The following LRMDA variants were observed in gnomAD, a reference collection of about 807,000 sequenced individuals.
LRMDA encodes the protein leucine-rich melanocyte differentiation-associated protein.
Under a neutral mutation model 29.8 loss-of-function variants are expected in LRMDA, and 18 were observed. The observed-to-expected ratio is 0.60, with a 90% CI of 0.42 to 0.90. LRMDA has a LOEUF of 0.90. Ranked by LOEUF, LRMDA falls within the 40% of genes least tolerant of loss-of-function variation. The probability of loss-of-function intolerance (pLI) is 0.00; values close to 1 mark genes in which losing one functional copy is unlikely to be tolerated. For synonymous variants in LRMDA, 125 were observed against 109.4 expected (o/e 1.14, Z -0.89); for missense variants, 273 against 273.9 (o/e 1.00, Z 0.02).
chr10:75,620,191 G>C (rs1342712393), intron 2 of LRMDA, among the ~76,000 whole-genome samples: 2 of 152,192 alleles, frequency 1.3e-5, no homozygotes, highest in Non-Finnish European at 2.9e-5. Flanking sequence ...AGGGAGGCCA[G>C]TCCCTTTTTA....
intron 5 of LRMDA, among the ~76,000 whole-genome samples, chr10:76,241,093 G>A (rs1430281402): frequency 6.6e-6 from 1 of 151,986 alleles, no homozygotes; most frequent in Non-Finnish European, 1.5e-5. Context: ...TGATATAATG[G>A]ACTTTGGGGT....
intron 2 of LRMDA, among the ~76,000 whole-genome samples, chr10:76,017,162 CAT>C (rs913389487): frequency 1.4e-4 from 21 of 152,240 alleles, no homozygotes; most frequent in Non-Finnish European, 2.2e-4. Context: ...GAGATGCACA[CAT>C]GTGTGGGGCG....
intron 2 of LRMDA, among the ~76,000 whole-genome samples, chr10:76,033,308 G>A (rs536386223): frequency 3.5e-4 from 54 of 152,268 alleles, no homozygotes; most frequent in Admixed American, 2.1e-3. Context: ...ATGTAATATG[G>A]TTCTCTTTTT....
At chr10:75,610,911 T>G (rs1215561011) in intron 2 of LRMDA, among the ~76,000 whole-genome samples, 3 of 152,184 alleles carry the variant, frequency 2.0e-5, no homozygotes, top group African/African-American at 7.2e-5. Context: ...ATTTTTCTTT[T>G]TCCTGAGTTG....
At chr10:75,603,955 T>A (rs943267922) in intron 2 of LRMDA, among the ~76,000 whole-genome samples, 2 of 152,206 alleles carry the variant, frequency 1.3e-5, no homozygotes, top group Non-Finnish European at 2.9e-5. Context: ...AACTGTTAGC[T>A]TTCTAAGCAG....
chr10:76,208,061 C>T (rs1851569601), intron 5 of LRMDA, among the ~76,000 whole-genome samples: 5 of 152,120 alleles, frequency 3.3e-5, no homozygotes, highest in African/African-American at 2.4e-5. Context: ...GATGCAGTTA[C>T]GTTTATTCCC....
At chr10:76,470,936 C>T (rs1050379420) in intron 6 of LRMDA, among the ~76,000 whole-genome samples, 10 of 151,670 alleles carry the variant, frequency 6.6e-5, no homozygotes, top group African/African-American at 1.7e-4. Context: ...TTGTTATGCA[C>T]GTTAACCACA....
intron 6 of LRMDA, chr10:76,535,987 G>A (rs929968528): frequency 1.2e-4 from 19 of 152,306 alleles, no homozygotes; most frequent in African/African-American, 4.3e-4. Context: ...ATGTTGGCCA[G>A]GTTGGTCTCA....
chr10:76,449,828 T>G (rs1842388658), intron 6 of LRMDA, among the ~76,000 whole-genome samples: 1 of 152,042 alleles, frequency 6.6e-6, no homozygotes, highest in Non-Finnish European at 1.5e-5. Flanking sequence ...TTCCTGACTT[T>G]CTACTTCTCT....
At chr10:75,897,242 A>G (rs1021615945) in intron 2 of LRMDA, among the ~76,000 whole-genome samples, 5 of 152,228 alleles carry the variant, frequency 3.3e-5, no homozygotes, top group East Asian at 1.9e-4. Context: ...AGAATTTTCT[A>G]TCAACAATTC....
chr10:75,596,851 A>G (rs1589197465), intron 2 of LRMDA, among the ~76,000 whole-genome samples: 1 of 152,332 alleles, frequency 6.6e-6, no homozygotes, highest in South Asian at 2.1e-4. Flanking sequence ...GATACATGAG[A>G]AATTGTGCCA....
At chr10:76,015,019 A>G (rs751852780) in intron 2 of LRMDA, among the ~76,000 whole-genome samples, 43 of 152,236 alleles carry the variant, frequency 2.8e-4, no homozygotes, top group Non-Finnish European at 5.3e-4. Context: ...ACTGCCATTC[A>G]AAATCTGATG....
intron 6 of LRMDA, among the ~76,000 whole-genome samples, chr10:76,366,579 T>C (rs1002487007): frequency 3.3e-5 from 5 of 152,244 alleles, no homozygotes; most frequent in African/African-American, 4.8e-5. Flanking sequence ...ATAGAAGAGC[T>C]ATTGATTTAT....
At chr10:75,823,697 T>A (rs1026049620) in intron 2 of LRMDA, among the ~76,000 whole-genome samples, 1 of 79,898 alleles carries the variant, frequency 1.3e-5, no homozygotes, top group African/African-American at 3.1e-5. Flanking sequence ...TGTGTGTGTG[T>A]GTGTGTGTGT....
At chr10:75,576,491 C>A (rs1048824586) in intron 2 of LRMDA, among the ~76,000 whole-genome samples, 7 of 152,248 alleles carry the variant, frequency 4.6e-5, no homozygotes, top group Non-Finnish European at 8.8e-5. Context: ...AAGAGAGCAG[C>A]AGATCTCCCA....
At chr10:76,241,039 C>T (rs1852268354) in intron 5 of LRMDA, among the ~76,000 whole-genome samples, 1 of 151,776 alleles carries the variant, frequency 6.6e-6, no homozygotes, top group Admixed American at 6.6e-5. Flanking sequence ...TATGTTATCA[C>T]TCATAAATGG....
chr10:75,563,235 A>G (rs1197551525), intron 2 of LRMDA, among the ~76,000 whole-genome samples: 1 of 151,872 alleles, frequency 6.6e-6, no homozygotes, highest in Admixed American at 6.6e-5. Context: ...GTTTCTTTTT[A>G]TTCTTTTTTC....
intron 6 of LRMDA, among the ~76,000 whole-genome samples, chr10:76,331,266 G>A (rs925470397): frequency 1.4e-4 from 21 of 152,258 alleles, no homozygotes; most frequent in African/African-American, 3.4e-4. Context: ...GTGAGAGTCC[G>A]TCTCAAACAA....
At chr10:75,789,212 G>A (rs1369173207) in intron 2 of LRMDA, among the ~76,000 whole-genome samples, 1 of 152,176 alleles carries the variant, frequency 6.6e-6, no homozygotes, top group African/African-American at 2.4e-5. Context: ...ATGGGAGTGG[G>A]GGATACCATC....
Sources: allele counts gnomAD v4.1 joint callset (sites outside exome capture counted in the v4.1 genomes callset), GRCh38; gene constraint gnomAD v4.1.1; transcripts MANE v1.5; gene names NCBI Gene and HGNC (gene_info 2026-07-23, HGNC 2026-07-21).